Variants in PHACTR1 observed in about 807,000 individuals in gnomAD.
PHACTR1 encodes the protein RPEL repeat containing 1.
A neutral mutation model predicts 69.2 loss-of-function variants in PHACTR1; 16 were observed. The observed-to-expected ratio is 0.23, with a 90% CI of 0.16 to 0.35. PHACTR1 has a LOEUF of 0.35. PHACTR1 is among the 10% of genes least tolerant of loss of function. PHACTR1 has a pLI of 1.00. For synonymous variants in PHACTR1, 312 were observed against 284.5 expected, an observed-to-expected ratio of 1.10 and a Z score of -0.97; for missense variants, 510 against 734.7, an observed-to-expected ratio of 0.69 and a Z score of 3.54.
intron 4 of PHACTR1, among the ~76,000 whole-genome samples, chr6:12,922,055 G>A (rs991919006): frequency 6.6e-6 from 1 of 152,174 alleles, no homozygotes; most frequent in Non-Finnish European, 1.5e-5. Context: ...TGATCACTTT[G>A]CTTTGTGGCA....
At chr6:13,175,035 C>G (rs1761134299) in intron 6 of PHACTR1, among the ~76,000 whole-genome samples, 1 of 152,204 alleles carries the variant, frequency 6.6e-6, no homozygotes, top group Non-Finnish European at 1.5e-5. Context: ...ATTTCTTCCT[C>G]CCTGTCTCTC....
Position 13,103,036 on chromosome 6 carries a change from T to C in PHACTR1, c.415+49507T>C, listed in dbSNP as rs184757304. Among the ~76,000 whole-genome samples, 270 of 152,312 alleles carry C rather than the reference T, an allele frequency of 1.8e-3. 1 individual carries two copies. The highest frequency in any genetic ancestry group is 6.3e-3 in the African/African-American group (262 of 41,582). On this transcript the variant is annotated intron_variant, in intron 5 of 14. Coordinates refer to ENST00000332995, the MANE Select transcript of PHACTR1 (RefSeq NM_030948.6). The stretch of plus-strand genomic sequence containing the variant: ...TGGAACTTAAGAGGCTCAGTTTGCC[T>C]CGGCTTGAATTGATTGGAATTCATT...
chr6:12,881,255 G>A (rs1288524223), intron 4 of PHACTR1, among the ~76,000 whole-genome samples: 1 of 152,158 alleles, frequency 6.6e-6, no homozygotes, highest in Non-Finnish European at 1.5e-5. Context: ...AGAGGGCGAT[G>A]CTGTATGCTG....
At chr6:12,750,811 C>T (rs1029622966) in intron 4 of PHACTR1, among the ~76,000 whole-genome samples, 3 of 152,234 alleles carry the variant, frequency 2.0e-5, no homozygotes, top group Non-Finnish European at 2.9e-5. Flanking sequence ...AAGCTTCCAT[C>T]CTAGTTTGTT....
At chr6:12,827,548 C>T (rs1776937210) in intron 4 of PHACTR1, among the ~76,000 whole-genome samples, 1 of 152,142 alleles carries the variant, frequency 6.6e-6, no homozygotes, top group South Asian at 2.1e-4. Context: ...TTGAAATGAC[C>T]ACCACATCAG....
intron 4 of PHACTR1, among the ~76,000 whole-genome samples, chr6:13,048,060 A>G (rs1805357919): frequency 6.6e-6 from 1 of 152,184 alleles, no homozygotes; most frequent in South Asian, 2.1e-4. Context: ...AAGAAAAATC[A>G]TCTCCCAATC....
intron 4 of PHACTR1, among the ~76,000 whole-genome samples, chr6:12,890,063 G>A (rs1427575265): frequency 6.6e-6 from 1 of 152,024 alleles, no homozygotes; most frequent in African/African-American, 2.4e-5. Context: ...GATGAGCGAG[G>A]GCTAGTGAGC....
At chr6:13,086,248 A>G (rs977581489) in intron 5 of PHACTR1, among the ~76,000 whole-genome samples, 2 of 152,128 alleles carry the variant, frequency 1.3e-5, no homozygotes, top group African/African-American at 4.8e-5. Context: ...CTAAATGCAT[A>G]CTAGTAGAAA....
intron 5 of PHACTR1, among the ~76,000 whole-genome samples, chr6:13,094,105 T>C (rs907939653): frequency 1.3e-5 from 2 of 152,202 alleles, no homozygotes; most frequent in Admixed American, 1.3e-4. Flanking sequence ...ACTCCTGGGC[T>C]CAAGGGCTCA....
At position 13,244,125 on chromosome 6, in the gene PHACTR1, C is replaced by T. The variant is rs534220580; in HGVS notation, c.1391+13932C>T. Among the ~76,000 whole-genome samples, 6 of 152,120 alleles carry T rather than the reference C, an allele frequency of 3.9e-5. No individual in the cohort carries two copies. In the East Asian group the frequency reaches 5.8e-4, roughly 15 times the overall value. ...AAAAGAGAGAAATTTTAAAGCTGGG[C>T]GTCCGGGGGAGACATCACACGTTGG... On this transcript the variant is annotated intron_variant, in intron 10 of 14. Transcript: ENST00000332995.
At chr6:13,131,564 C>T (rs1428913715) in intron 5 of PHACTR1, among the ~76,000 whole-genome samples, 1 of 152,054 alleles carries the variant, frequency 6.6e-6, no homozygotes, top group Non-Finnish European at 1.5e-5. Flanking sequence ...ATCAATGTAA[C>T]CAAAAGCCAC....
intron 4 of PHACTR1, among the ~76,000 whole-genome samples, chr6:12,929,757 T>A (rs2127526318): frequency 6.6e-6 from 1 of 152,344 alleles, no homozygotes; most frequent in Middle Eastern, 3.4e-3. Context: ...CATCCCTAGA[T>A]AATATTTTGG....
intron 4 of PHACTR1, among the ~76,000 whole-genome samples, chr6:13,016,484 A>G (rs1318355009): frequency 6.6e-6 from 1 of 152,276 alleles, no homozygotes; most frequent in Non-Finnish European, 1.5e-5. Flanking sequence ...TTCTTTGCAT[A>G]TGAAATAGTT....
At chr6:13,100,611 C>G (rs915713560) in intron 5 of PHACTR1, among the ~76,000 whole-genome samples, 1 of 152,164 alleles carries the variant, frequency 6.6e-6, no homozygotes, top group African/African-American at 2.4e-5. Flanking sequence ...CTTAAATTCC[C>G]AAATTGTAAG....
rs932497968 is a variant in PHACTR1 at position 13,272,667 on chromosome 6, C to T, written c.1392-193C>T. The T allele has an allele frequency of 2.6e-5, 39 of 1,482,246 alleles. 1 individual carries two copies. Among genetic ancestry groups the T allele is most frequent in the South Asian group, 6.8e-5 (5 of 73,644 alleles). 91.8% of individuals were successfully genotyped at this position (1,482,246 alleles called of 1,614,324 possible). ...GCGGGGGTCAGCGGCTGTGACATGACGCACGTGCCTCTCCTGGGCTTGAAA... is the reference window on the plus strand; with the variant it reads ...GCGGGGGTCAGCGGCTGTGACATGATGCACGTGCCTCTCCTGGGCTTGAAA... On this transcript the variant is annotated intron_variant, in intron 10 of 14. Coordinates refer to ENST00000332995, the MANE Select transcript of PHACTR1 (RefSeq NM_030948.6).
chr6:12,765,609 G>A lies in PHACTR1; in HGVS notation c.250+15819G>A, dbSNP rs1337313588. Among the ~76,000 whole-genome samples, 2 of 152,122 alleles carry A rather than the reference G, an allele frequency of 1.3e-5. 1 individual carries two copies. The highest frequency in any genetic ancestry group is 2.9e-5 in the Non-Finnish European group (2 of 68,024). Reference sequence around the variant, plus strand: ...AATTTCTGTATGCAGAAGCTCTAGAGCAAGGAGACAAACCTGTCCCCTCAG... The same window carrying A: ...AATTTCTGTATGCAGAAGCTCTAGAACAAGGAGACAAACCTGTCCCCTCAG... On this transcript the variant is annotated intron_variant, in intron 4 of 14. Transcript: ENST00000332995.
At chr6:12,991,509 T>C (rs765641639) in intron 4 of PHACTR1, among the ~76,000 whole-genome samples, 2 of 152,226 alleles carry the variant, frequency 1.3e-5, no homozygotes, top group Non-Finnish European at 2.9e-5. Context: ...TCTTATGCAG[T>C]TTCTCTGATG....
rs566596856 is a variant in PHACTR1 at position 12,782,713 on chromosome 6, A to G, written c.250+32923A>G. On this transcript the variant is annotated intron_variant, in intron 4 of 14. Transcript: ENST00000332995. ...TGGATAATGGCCAGCCATAGAATTA[A>G]AAAAGAGGACTACTATTAATTAGAC... Among the ~76,000 whole-genome samples, 45 of 152,342 alleles carry G rather than the reference A, an allele frequency of 3.0e-4. No individual in the cohort carries two copies. The South Asian group carries it at 8.3e-3, about 28-fold the overall frequency.
At chr6:12,946,495 T>TG (rs2127547631) in intron 4 of PHACTR1, among the ~76,000 whole-genome samples, 1 of 152,226 alleles carries the variant, frequency 6.6e-6, no homozygotes, top group Admixed American at 6.5e-5. Flanking sequence ...GGTAAGGATG[T>TG]GAATTGGGAA....
Sources: gnomAD v4.1 joint callset for allele counts (sites outside exome capture counted in the v4.1 genomes callset) on GRCh38, gnomAD v4.1.1 for gene constraint, MANE v1.5 for transcripts, NCBI Gene and HGNC (gene_info 2026-07-23, HGNC 2026-07-21) for gene names.